PHYHIPL: variants seen among roughly 807,000 people sequenced by gnomAD.
PHYHIPL encodes phytanoyl-CoA 2-hydroxylase interacting protein like, also known as phytanoyl-CoA hydroxylase-interacting protein-like.
Under a neutral mutation model 33.4 loss-of-function variants are expected in PHYHIPL, and 9 were observed. The ratio of observed to expected loss-of-function variants is 0.27; its 90% CI spans 0.16 to 0.47. The LOEUF (loss-of-function observed/expected upper bound fraction) is 0.47, where lower values mean the gene tolerates loss of function less well. Ranked by LOEUF, PHYHIPL falls within the 20% of genes least tolerant of loss-of-function variation. The pLI is 0.99. For missense variants in PHYHIPL, 365 were observed against 460.7 expected (o/e 0.79, Z 1.90); for synonymous variants, 153 against 154.1 (o/e 0.99, Z 0.05).
intron 4 of PHYHIPL, among the ~76,000 whole-genome samples, chr10:59,243,170 T>TATG (rs1840471108): frequency 6.6e-6 from 1 of 150,952 alleles, no homozygotes; most frequent in African/African-American, 2.4e-5. Flanking sequence ...CAAGACACCT[T>TATG]ATGTATAAGG....
chr10:59,187,788 A>G (rs1295126802), intron 1 of PHYHIPL, among the ~76,000 whole-genome samples: 1 of 152,092 alleles, frequency 6.6e-6, no homozygotes, highest in African/African-American at 2.4e-5. Flanking sequence ...GGTAGTTTGT[A>G]TTTCTGTGGG....
chr10:59,219,434 GTC>G, intron 1 of PHYHIPL, among the ~76,000 whole-genome samples: 1 of 152,222 alleles, frequency 6.6e-6, no homozygotes, highest in African/African-American at 2.4e-5. Flanking sequence ...TCACTGACTA[GTC>G]TCTATTTGCA....
intron 1 of PHYHIPL, among the ~76,000 whole-genome samples, chr10:59,225,461 G>A (rs1839899222): frequency 6.6e-6 from 1 of 152,040 alleles, no homozygotes; most frequent in South Asian, 2.1e-4. Context: ...CACAGAAAGT[G>A]AAGCTTTATC....
At chr10:59,211,613 T>C (rs1839442868) in intron 1 of PHYHIPL, among the ~76,000 whole-genome samples, 1 of 125,046 alleles carries the variant, frequency 8.0e-6, no homozygotes, top group Non-Finnish European at 1.6e-5. Flanking sequence ...TGACCTGAGG[T>C]GGTCCACCCG....
rs147953285 is a variant in PHYHIPL at position 59,196,952 on chromosome 10, A to G, written c.106+19993A>G. Among the ~76,000 whole-genome samples the G allele has an allele frequency of 2.0e-5, 3 of 152,334 alleles. No homozygotes were observed. In the East Asian group the frequency reaches 5.8e-4, roughly 29 times the overall value. On this transcript the variant is annotated intron_variant, in intron 1 of 4. Coordinates refer to ENST00000373880, the MANE Select transcript of PHYHIPL (RefSeq NM_032439.4). ...CGTGATGTTGTATATAGCAATTTAG[A>G]TGAATTCCCTGGGCTCTGGAGGTAA...
intron 1 of PHYHIPL, among the ~76,000 whole-genome samples, chr10:59,204,156 A>T (rs1564707300): frequency 6.6e-6 from 1 of 152,178 alleles, no homozygotes; most frequent in Admixed American, 6.5e-5. Flanking sequence ...TTATATAAAG[A>T]ACTATTATAA....
At chr10:59,181,317 G>A (rs1335221768) in intron 1 of PHYHIPL, among the ~76,000 whole-genome samples, 1 of 151,936 alleles carries the variant, frequency 6.6e-6, no homozygotes, top group Non-Finnish European at 1.5e-5. Context: ...TCAGTTACAT[G>A]TTATAGGAAA....
At position 59,179,842 on chromosome 10, in the gene PHYHIPL, TACACACACACACAC is replaced by T. The variant is rs147836305; in HGVS notation, c.106+2914_106+2927del. On this transcript the variant is annotated intron_variant, in intron 1 of 4. Transcript: ENST00000373880. Reference sequence around the variant, plus strand: ...TGGCTTTTCAATTAAGCAAGACAGTTACACACACACACACACACACACACACACACACACACACA... The same window carrying T: ...TGGCTTTTCAATTAAGCAAGACAGTTACACACACACACACACACACACACA... Among the ~76,000 whole-genome samples, 464 of 134,872 alleles carry T rather than the reference TACACACACACACAC, an allele frequency of 3.4e-3. 2 individuals carry two copies. The highest frequency in any genetic ancestry group is 0.011 in the African/African-American group (397 of 35,834). 88.5% of individuals were successfully genotyped at this position (134,872 alleles called of 152,430 possible).
rs1189450529 is a variant in PHYHIPL, at chr10:59,246,068, A to G, written c.*477A>G. The G allele has an allele frequency of 3.3e-5, 5 of 153,612 alleles. No individual in the cohort carries two copies. The highest frequency in any genetic ancestry group is 1.2e-4 in the African/African-American group (5 of 41,508). 9.5% of individuals were successfully genotyped at this position (153,612 alleles called of 1,614,324 possible). A position where few individuals can be genotyped will look rare whatever the true frequency, so the allele number is the denominator to read the frequency against. On this transcript the variant is annotated 3_prime_UTR_variant, in exon 5 of 5. Coordinates refer to ENST00000373880, the MANE Select transcript of PHYHIPL (RefSeq NM_032439.4). ...GTCAGCACTTCCAACTTCTTGTTTG[A>G]CAGTGTTATTTATGTTATTTATATT...
At chr10:59,207,355 A>G (rs1839314385) in intron 1 of PHYHIPL, among the ~76,000 whole-genome samples, 1 of 152,160 alleles carries the variant, frequency 6.6e-6, no homozygotes. Flanking sequence ...AGCCAAAGGA[A>G]GCCATGAGGG....
At position 59,176,705 on chromosome 10, in the gene PHYHIPL, C is replaced by G; in HGVS notation, c.-149C>G. 1 of 685,806 alleles carries G rather than the reference C, an allele frequency of 1.5e-6. No homozygotes were observed. The highest frequency in any genetic ancestry group is 1.9e-5 in the South Asian group (1 of 51,642). The allele number at this position is 685,806 out of a possible 1,614,324, so 42.5% of individuals were successfully genotyped here. On this transcript the variant is annotated 5_prime_UTR_variant, in exon 1 of 5. Transcript: ENST00000373880. The stretch of plus-strand genomic sequence containing the variant: ...CGCCTTCGCGGCGGCTCTCCAGCCC[C>G]GCGCCTCAGCCTCGGCGCCGCATCA...
rs751283717 is a variant in PHYHIPL at position 59,247,663 on chromosome 10, C to G, written c.*2072C>G. On this transcript the variant is annotated 3_prime_UTR_variant, in exon 5 of 5. Transcript: ENST00000373880. ...CTTGCTGATGAGGACCTCTAATAGT[C>G]TCAGTTTGGCTTTTATGTGCTTATA... is the stretch of plus-strand genomic sequence containing the variant. The G allele has an allele frequency of 6.2e-7, 1 of 1,613,508 alleles. No homozygotes were observed. Among genetic ancestry groups the G allele is most frequent in the Non-Finnish European group, 8.5e-7 (1 of 1,179,680 alleles).
At chr10:59,227,975 G>GAGATAT (rs10530291) in intron 1 of PHYHIPL, among the ~76,000 whole-genome samples, 1 of 145,490 alleles carries the variant, frequency 6.9e-6, no homozygotes, top group Non-Finnish European at 1.5e-5. Context: ...TGCCTATTGA[G>GAGATAT]ATATATATAT....
intron 1 of PHYHIPL, among the ~76,000 whole-genome samples, chr10:59,181,732 G>C (rs1309703761): frequency 6.6e-6 from 1 of 152,094 alleles, no homozygotes; most frequent in African/African-American, 2.4e-5. Flanking sequence ...AAAACTAAAA[G>C]AAACAAAAAA....
chr10:59,187,428 T>G (rs1838642297), intron 1 of PHYHIPL, among the ~76,000 whole-genome samples: 2 of 152,194 alleles, frequency 1.3e-5, no homozygotes, highest in Non-Finnish European at 2.9e-5. Context: ...AAAATTCTCT[T>G]TTTTTGTTGT....
In PHYHIPL at chr10:59,247,548, G is replaced by A. The variant is rs1840822442; in HGVS notation, c.*1957G>A. On this transcript the variant is annotated 3_prime_UTR_variant, in exon 5 of 5. Transcript: ENST00000373880. ...CATTGTGTCAAAACTACTTAGCAAGGATGGCAGAGGAAAATAAACTTTACT... is the reference window on the plus strand; with the variant it reads ...CATTGTGTCAAAACTACTTAGCAAGAATGGCAGAGGAAAATAAACTTTACT... 6.9e-6 allele frequency: 11 copies of A among 1,596,246 alleles called. No individual in the cohort carries two copies. Among genetic ancestry groups the A allele is most frequent in the Non-Finnish European group, 8.6e-6 (10 of 1,168,268 alleles).
At chr10:59,199,751 C>G (rs1589268210) in intron 1 of PHYHIPL, among the ~76,000 whole-genome samples, 1 of 152,122 alleles carries the variant, frequency 6.6e-6, no homozygotes, top group Non-Finnish European at 1.5e-5. Context: ...GTTTGTAGTT[C>G]TCCTTGAAGA....
chr10:59,177,218 C>G (rs1838276645), intron 1 of PHYHIPL: 1 of 584,422 alleles, frequency 1.7e-6, no homozygotes, highest in Non-Finnish European at 2.9e-6. Context: ...GCCCGCCTGG[C>G]CCGGACGAGG....
chr10:59,200,927 G>C (rs1339514997), intron 1 of PHYHIPL, among the ~76,000 whole-genome samples: 1 of 151,952 alleles, frequency 6.6e-6, no homozygotes, highest in African/African-American at 2.4e-5. Context: ...TTTTTATTGT[G>C]TCTATTTGAT....
Sources: allele counts gnomAD v4.1 joint callset (sites outside exome capture counted in the v4.1 genomes callset), GRCh38; gene constraint gnomAD v4.1.1; transcripts MANE v1.5; gene names NCBI Gene and HGNC (gene_info 2026-07-23, HGNC 2026-07-21).